ARHGAP42: variants seen among roughly 807,000 people sequenced by gnomAD.
ARHGAP42 encodes rho GTPase-activating protein 42.
A neutral mutation model predicts 125.0 loss-of-function variants in ARHGAP42; 63 were observed. The observed-to-expected ratio is 0.50, with a 90% CI of 0.41 to 0.62. The LOEUF is 0.62. ARHGAP42 is among the 20% of genes least tolerant of loss of function. The pLI is 0.00. For missense variants in ARHGAP42, 766 were observed against 1,024.2 expected (o/e 0.75, Z 3.44); for synonymous variants, 339 against 351.0 (o/e 0.97, Z 0.38).
At chr11:100,764,686 G>A (rs1312076491) in intron 1 of ARHGAP42, among the ~76,000 whole-genome samples, 1 of 152,154 alleles carries the variant, frequency 6.6e-6, no homozygotes, top group Non-Finnish European at 1.5e-5. Flanking sequence ...AATGTGAAAG[G>A]AAAGAAGGGA....
intron 6 of ARHGAP42, among the ~76,000 whole-genome samples, chr11:100,923,902 A>G (rs1867348694): frequency 6.6e-6 from 1 of 152,166 alleles, no homozygotes; most frequent in Non-Finnish European, 1.5e-5. Flanking sequence ...ATCCATTTGA[A>G]CAATGAGAAT....
chr11:100,762,247 A>G (rs764105648), intron 1 of ARHGAP42, among the ~76,000 whole-genome samples: 1 of 152,190 alleles, frequency 6.6e-6, no homozygotes, highest in Non-Finnish European at 1.5e-5. Flanking sequence ...TGATTTACCA[A>G]CTTTAAAGTG....
chr11:100,733,825 GAAAAAAAAAAAAAA>G (rs551074447), intron 1 of ARHGAP42, among the ~76,000 whole-genome samples: 1 of 31,388 alleles, frequency 3.2e-5, no homozygotes, highest in East Asian at 1.1e-3. Flanking sequence ...ATTCTGTCTG[GAAAAAAAAAAAAAA>G]AAAAAAAAAA....
chr11:100,720,398 C>A (rs1861738963), intron 1 of ARHGAP42, among the ~76,000 whole-genome samples: 1 of 152,088 alleles, frequency 6.6e-6, no homozygotes, highest in Non-Finnish European at 1.5e-5. Context: ...CAAATGACTG[C>A]CCTGATGGTG....
At chr11:100,787,436 T>A (rs934455718) in intron 2 of ARHGAP42, among the ~76,000 whole-genome samples, 1 of 152,206 alleles carries the variant, frequency 6.6e-6, no homozygotes, top group Non-Finnish European at 1.5e-5. Flanking sequence ...CTTTTGTTTA[T>A]AAATTACCCA....
At chr11:100,873,891 A>C (rs1310470879) in intron 4 of ARHGAP42, among the ~76,000 whole-genome samples, 2 of 152,224 alleles carry the variant, frequency 1.3e-5, no homozygotes, top group Non-Finnish European at 2.9e-5. Flanking sequence ...TCATGAGGGC[A>C]GTCCAGTCTT....
intron 17 of ARHGAP42, among the ~76,000 whole-genome samples, chr11:100,970,168 G>A (rs977793892): frequency 4.6e-5 from 7 of 151,860 alleles, no homozygotes; most frequent in African/African-American, 1.5e-4. Context: ...TTGTATTTTC[G>A]GTAGGGATGA....
intron 1 of ARHGAP42, among the ~76,000 whole-genome samples, chr11:100,744,199 G>A (rs1211754650): frequency 6.6e-6 from 1 of 152,194 alleles, no homozygotes; most frequent in Non-Finnish European, 1.5e-5. Context: ...TCGAACTCCT[G>A]ACCTCGTGAT....
At chr11:100,858,117 G>GTGTGTGTGTGTGTGTGTGTGTGTGTT (rs33909850) in intron 3 of ARHGAP42, among the ~76,000 whole-genome samples, 14 of 134,536 alleles carry the variant, frequency 1.0e-4, no homozygotes, top group African/African-American at 1.8e-4. Context: ...GTGTGTGTGT[G>GTGTGTGTGTGTGTGTGTGTGTGTGTT]TGTGTGTTTA....
intron 1 of ARHGAP42, among the ~76,000 whole-genome samples, chr11:100,725,059 TTC>T (rs1461048833): frequency 2.0e-5 from 3 of 152,178 alleles, no homozygotes; most frequent in African/African-American, 7.2e-5. Context: ...CTTTGGAGAT[TTC>T]TACGACCTGT....
At chr11:100,754,669 G>A (rs1404514380) in intron 1 of ARHGAP42, among the ~76,000 whole-genome samples, 1 of 152,154 alleles carries the variant, frequency 6.6e-6, no homozygotes, top group East Asian at 1.9e-4. Flanking sequence ...TTTAGTTCCA[G>A]TATAATGCTT....
chr11:100,938,625 C>G (rs1867798132), intron 8 of ARHGAP42, among the ~76,000 whole-genome samples: 1 of 152,136 alleles, frequency 6.6e-6, no homozygotes, highest in Non-Finnish European at 1.5e-5. Context: ...TATTTATCAC[C>G]TTCAGAAGTT....
chr11:100,903,117 G>GCGCGCACACACACACACACACA (rs373508179), intron 4 of ARHGAP42, among the ~76,000 whole-genome samples: 14 of 132,034 alleles, frequency 1.1e-4, no homozygotes, highest in East Asian at 4.6e-4. Flanking sequence ...TCCAAGATGC[G>GCGCGCACACACACACACACACA]CACACACACA....
intron 4 of ARHGAP42, among the ~76,000 whole-genome samples, chr11:100,871,371 C>A (rs1256741260): frequency 6.6e-6 from 1 of 151,204 alleles, no homozygotes; most frequent in East Asian, 2.0e-4. Context: ...CTGGTGAAAC[C>A]CCCATCTCTA....
intron 3 of ARHGAP42, among the ~76,000 whole-genome samples, chr11:100,823,720 G>C (rs968460480): frequency 6.6e-6 from 1 of 152,128 alleles, no homozygotes; most frequent in East Asian, 1.9e-4. Context: ...CCTCTGTTTT[G>C]TTAACTCTAA....
At chr11:100,848,057 G>C (rs887285967) in intron 3 of ARHGAP42, among the ~76,000 whole-genome samples, 2 of 152,124 alleles carry the variant, frequency 1.3e-5, no homozygotes, top group Non-Finnish European at 2.9e-5. Context: ...GAGTCAAAAG[G>C]CTGTTAAGAT....
intron 4 of ARHGAP42, among the ~76,000 whole-genome samples, chr11:100,898,282 G>T (rs984508466): frequency 2.6e-5 from 4 of 152,248 alleles, no homozygotes; most frequent in African/African-American, 9.6e-5. Context: ...TGTTCATCAG[G>T]GACATTGGTC....
At position 100,921,505 on chromosome 11, in the gene ARHGAP42, A is replaced by G. The variant is rs1178976253; in HGVS notation, c.498A>G (p.Gln166=). ...KESHLQEADT[Q]IDREHQNFYE... ...GTTTTTCTCTTTAGGCAGATACACA[A>G]ATTGACCGAGAACATCAGAACTTCT... The change falls in exon 6 of 24, where the codon CAA becomes CAG. Residue 166 remains glutamine, a synonymous_variant. Transcript: ENST00000298815. 1 of 1,545,844 alleles carries G rather than the reference A, an allele frequency of 6.5e-7. No individual in the cohort carries two copies. The highest frequency in any genetic ancestry group is 8.7e-7 in the Non-Finnish European group (1 of 1,144,094).
At chr11:100,787,467 G>GT (rs747836828) in intron 2 of ARHGAP42, among the ~76,000 whole-genome samples, 17 of 152,140 alleles carry the variant, frequency 1.1e-4, no homozygotes, top group Non-Finnish European at 1.0e-4. Context: ...GTTCTTTATA[G>GT]CAGTGTGAAA....
Sources: allele counts gnomAD v4.1 joint callset (sites outside exome capture counted in the v4.1 genomes callset), GRCh38; gene constraint gnomAD v4.1.1; transcripts MANE v1.5; gene names NCBI Gene and HGNC (gene_info 2026-07-23, HGNC 2026-07-21).